OR5AS1: variants seen among roughly 807,000 people sequenced by gnomAD.
OR5AS1 encodes olfactory receptor family 5 subfamily AS member 1.
For synonymous variants in OR5AS1, 196 were observed against 141.7 expected (o/e 1.38, Z -2.72); for missense variants, 492 against 378.2 (o/e 1.30, Z -2.50).
At position 56,037,919 on chromosome 11, in the gene OR5AS1, G is replaced by C. The variant is rs1379310028; in HGVS notation, c.*6526G>C. 6.6e-6 allele frequency: 1 copy of C among 152,052 alleles called. No homozygotes were observed. The highest frequency in any genetic ancestry group is 1.5e-5 in the Non-Finnish European group (1 of 68,034). The allele number at this position is 152,052 out of a possible 1,614,324, so 9.4% of individuals were successfully genotyped here. ...ACAGTATGGTCCTGGTACCAAAGCA[G>C]ATATATAGACCAATGGAACAGAATA... On this transcript the variant is annotated 3_prime_UTR_variant, in exon 2 of 2. Transcript: ENST00000641320.
chr11:56,035,342 C>A lies in OR5AS1; in HGVS notation c.*3949C>A, dbSNP rs1481432712. ...ACTGGCAAATTGGATAGAGTCAAGA[C>A]CGATTGGTGTGCTGTATTCAGGAGA... On this transcript the variant is annotated 3_prime_UTR_variant, in exon 2 of 2. Coordinates refer to ENST00000641320, the MANE Select transcript of OR5AS1 (RefSeq NM_001001921.2). 1.3e-5 allele frequency: 2 copies of A among 151,994 alleles called. No individual in the cohort carries two copies. Among genetic ancestry groups the A allele is most frequent in the Non-Finnish European group, 2.9e-5 (2 of 68,038 alleles). 9.4% of individuals were successfully genotyped at this position (151,994 alleles called of 1,614,324 possible).
At position 56,031,396 on chromosome 11, in the gene OR5AS1, T is replaced by A; in HGVS notation, c.*3T>A. On this transcript the variant is annotated 3_prime_UTR_variant, in exon 2 of 2. Coordinates refer to ENST00000641320, the MANE Select transcript of OR5AS1 (RefSeq NM_001001921.2). ...GTTTAAGAATAGTCAATATCTAACT[T>A]ACCCTTCCAATCTCATAAACAGCAA... The A allele has an allele frequency of 1.3e-6, 2 of 1,487,992 alleles. No homozygotes were observed. Among genetic ancestry groups the A allele is most frequent in the Non-Finnish European group, 1.8e-6 (2 of 1,112,414 alleles). 92.2% of individuals were successfully genotyped at this position (1,487,992 alleles called of 1,614,324 possible).
Position 56,031,345 on chromosome 11 carries a change from A to G in OR5AS1, c.927A>G (p.Gly309=). 3.8e-6 allele frequency: 6 copies of G among 1,575,986 alleles called. No individual in the cohort carries two copies. The highest frequency in any genetic ancestry group is 5.2e-6 in the Non-Finnish European group (6 of 1,160,370). The change falls in exon 2 of 2, where the codon GGA becomes GGG. Residue 309 remains glycine (G), a synonymous_variant. Coordinates refer to ENST00000641320, the MANE Select transcript of OR5AS1 (RefSeq NM_001001921.2). ...TCAAAAAGCTATTAGAAAGAATTGG[A>G]TATTCAAATGAATGGTATTTAAATC... ...NALKKLLERI[G]YSNEWYLNRL...
chr11:56,028,732 C>T (rs1565025428), intron 1 of OR5AS1, among the ~76,000 whole-genome samples: 2 of 151,838 alleles, frequency 1.3e-5, no homozygotes, highest in East Asian at 3.9e-4. Context: ...TCATGGGACT[C>T]AAGAAAGAAA....
intron 1 of OR5AS1, among the ~76,000 whole-genome samples, chr11:56,029,611 A>T (rs1853327582): frequency 1.3e-5 from 2 of 152,142 alleles, no homozygotes; most frequent in Admixed American, 1.3e-4. Context: ...CAAGATGAAT[A>T]TTGAGAATGA....
At chr11:56,029,247 C>T (rs61889970) in intron 1 of OR5AS1, among the ~76,000 whole-genome samples, 9,154 of 152,092 alleles carry the variant, frequency 0.06, 381 homozygotes, top group Non-Finnish European at 0.084. Flanking sequence ...GATCTAGCTT[C>T]CTGCTTAATA....
chr11:56,034,934 C>T lies in OR5AS1; in HGVS notation c.*3541C>T, dbSNP rs540391236. ...AACAGCGGCTGTCTCAGCAGAAACCCTATAAGCCAGAAGTGAGTGGGGGCC... is the reference window on the plus strand; with the variant it reads ...AACAGCGGCTGTCTCAGCAGAAACCTTATAAGCCAGAAGTGAGTGGGGGCC... On this transcript the variant is annotated 3_prime_UTR_variant, in exon 2 of 2. Transcript: ENST00000641320. 16 of 152,250 alleles carry T rather than the reference C, an allele frequency of 1.1e-4. No individual in the cohort carries two copies. Among genetic ancestry groups the T allele is most frequent in the Non-Finnish European group, 2.2e-4 (15 of 68,032 alleles). The allele number at this position is 152,250 out of a possible 1,614,324, so 9.4% of individuals were successfully genotyped here.
At position 56,035,467 on chromosome 11, in the gene OR5AS1, C is replaced by T. The variant is rs1308843123; in HGVS notation, c.*4074C>T. 1 of 148,464 alleles carries T rather than the reference C, an allele frequency of 6.7e-6. No homozygotes were observed. Among genetic ancestry groups the T allele is most frequent in the African/African-American group, 2.5e-5 (1 of 40,560 alleles). 9.2% of individuals were successfully genotyped at this position (148,464 alleles called of 1,614,324 possible). On this transcript the variant is annotated 3_prime_UTR_variant, in exon 2 of 2. Transcript: ENST00000641320. ...AAATAAAGAAAAAAGAAAAAAAAAA[C>T]AACAAAGCACAGGGGTTGTAATCCT...
chr11:56,031,316 G>T lies in OR5AS1; in HGVS notation c.898G>T (p.Ala300Ser). The change falls in exon 2 of 2, where the codon GCT becomes TCT. Residue 300 changes from alanine (A) to serine (S), a missense_variant. Transcript: ENST00000641320. ...YSFRNKDVKN[A>S]LKKLLERIGY... is the part of the protein sequence containing the mutation. Reference sequence around the variant, plus strand: ...TTTCAGAAACAAGGATGTGAAAAATGCTCTCAAAAAGCTATTAGAAAGAAT... The same window carrying T: ...TTTCAGAAACAAGGATGTGAAAAATTCTCTCAAAAAGCTATTAGAAAGAAT... 14 of 1,602,018 alleles carry T rather than the reference G, an allele frequency of 8.7e-6. No individual in the cohort carries two copies. Among genetic ancestry groups the T allele is most frequent in the Middle Eastern group, 1.7e-4 (1 of 5,948 alleles).
Position 56,034,091 on chromosome 11 carries a change from T to G in OR5AS1, c.*2698T>G, listed in dbSNP as rs1439574212. 1 of 151,954 alleles carries G rather than the reference T, an allele frequency of 6.6e-6. No individual in the cohort carries two copies. Among genetic ancestry groups the G allele is most frequent in the Non-Finnish European group, 1.5e-5 (1 of 68,044 alleles). 9.4% of individuals were successfully genotyped at this position (151,954 alleles called of 1,614,324 possible). A position where few individuals can be genotyped will look rare whatever the true frequency, so the allele number is the denominator to read the frequency against. On this transcript the variant is annotated 3_prime_UTR_variant, in exon 2 of 2. Coordinates refer to ENST00000641320, the MANE Select transcript of OR5AS1 (RefSeq NM_001001921.2). ...ACAAAAAGGACGTCCACTCAGAAAC[T>G]CCACCACCAACATCAAAGACCAAAG...
In OR5AS1 at chr11:56,028,476, T is replaced by A. The variant is rs1161040173; in HGVS notation, c.-29+764T>A. On this transcript the variant is annotated intron_variant, in intron 1 of 1. Coordinates refer to ENST00000641320, the MANE Select transcript of OR5AS1 (RefSeq NM_001001921.2). Reference sequence around the variant, plus strand: ...GAAATCAGTACTAATATTTCTGCTATCTGCGTATCTCCTTCAAAGAGAATA... The same window carrying A: ...GAAATCAGTACTAATATTTCTGCTAACTGCGTATCTCCTTCAAAGAGAATA... Among the ~76,000 whole-genome samples the A allele has an allele frequency of 5.3e-5, 8 of 152,108 alleles. No individual in the cohort carries two copies. The South Asian group carries it at 1.7e-3, about 31-fold the overall frequency.
chr11:56,028,652 G>A (rs1853318418), intron 1 of OR5AS1, among the ~76,000 whole-genome samples: 1 of 152,110 alleles, frequency 6.6e-6, no homozygotes, highest in Non-Finnish European at 1.5e-5. Context: ...GAAAAGGAAA[G>A]TTGTCTTGAG....
In OR5AS1 at chr11:56,033,043, G is replaced by A. The variant is rs1853367705; in HGVS notation, c.*1650G>A. 6.6e-6 allele frequency: 1 copy of A among 152,442 alleles called. No homozygotes were observed. Among genetic ancestry groups the A allele is most frequent in the South Asian group, 2.1e-4 (1 of 4,836 alleles). The allele number at this position is 152,442 out of a possible 1,614,324, so 9.4% of individuals were successfully genotyped here. ...AAGGGTTGGCAAACTCCCTCCACTA[G>A]CCAAGGGAAGCCATGAAGGACTGTG... On this transcript the variant is annotated 3_prime_UTR_variant, in exon 2 of 2. Coordinates refer to ENST00000641320, the MANE Select transcript of OR5AS1 (RefSeq NM_001001921.2).
intron 1 of OR5AS1, among the ~76,000 whole-genome samples, chr11:56,028,088 G>T (rs755096716): frequency 2.0e-5 from 3 of 151,942 alleles, no homozygotes; most frequent in Non-Finnish European, 4.4e-5. Flanking sequence ...CCTGCAGTGT[G>T]GTTAATTGTT....
intron 1 of OR5AS1, among the ~76,000 whole-genome samples, chr11:56,028,838 A>G (rs1853320141): frequency 6.6e-6 from 1 of 152,078 alleles, no homozygotes; most frequent in East Asian, 1.9e-4. Flanking sequence ...GAGCCTGTGT[A>G]TTCGATTTAG....
chr11:56,030,253 AAATC>A (rs141606802), intron 1 of OR5AS1, 134 bp from the exon 2 acceptor site: 28,296 of 412,500 alleles, frequency 0.069, 1,212 homozygotes, highest in Non-Finnish European at 0.084. Context: ...TCAAATGACA[AAATC>A]AAAATCAAAA....
rs753840982 is a variant in OR5AS1, at chr11:56,036,489, G to T, written c.*5096G>T. ...CACAGAAATACAAACTACCATCAGA[G>T]AATACTATAAACACCTCCACACAAA... is the stretch of plus-strand genomic sequence containing the variant. On this transcript the variant is annotated 3_prime_UTR_variant, in exon 2 of 2. Transcript: ENST00000641320. The T allele has an allele frequency of 6.6e-6, 1 of 152,028 alleles. No individual in the cohort carries two copies. The highest frequency in any genetic ancestry group is 1.5e-5 in the Non-Finnish European group (1 of 68,024). 9.4% of individuals were successfully genotyped at this position (152,028 alleles called of 1,614,324 possible).
At position 56,033,984 on chromosome 11, in the gene OR5AS1, TG is replaced by T. The variant is rs1322897452; in HGVS notation, c.*2593del. ...CTTCGCAGGCAAACAGGGTCTGGAG[TG>T]GATCTCCAGCAAACTCCAGCAGACC... On this transcript the variant is annotated 3_prime_UTR_variant, in exon 2 of 2. Transcript: ENST00000641320. 1 of 152,146 alleles carries T rather than the reference TG, an allele frequency of 6.6e-6. No individual in the cohort carries two copies. Among genetic ancestry groups the T allele is most frequent in the Non-Finnish European group, 1.5e-5 (1 of 68,326 alleles). 9.4% of individuals were successfully genotyped at this position (152,146 alleles called of 1,614,324 possible).
chr11:56,030,091 C>T (rs1452359440), intron 1 of OR5AS1, among the ~76,000 whole-genome samples: 1 of 152,130 alleles, frequency 6.6e-6, no homozygotes, highest in Non-Finnish European at 1.5e-5. Context: ...GGTCTCATTA[C>T]ATGAGCTACA....
Sources: allele counts gnomAD v4.1 joint callset (sites outside exome capture counted in the v4.1 genomes callset), GRCh38; gene constraint gnomAD v4.1.1; transcripts MANE v1.5; gene names NCBI Gene and HGNC (gene_info 2026-07-23, HGNC 2026-07-21).